The following ALMS1 variants were observed in gnomAD, a reference collection of about 807,000 sequenced individuals.
The protein encoded by ALMS1 is ALMS1 centrosome and basal body associated protein.
In ALMS1, 271 loss-of-function variants were observed where a neutral mutation model predicts 352.2. That is an observed-to-expected ratio of 0.77 (90% CI 0.70 to 0.85). The LOEUF (loss-of-function observed/expected upper bound fraction) is 0.85. Ranked by LOEUF, ALMS1 falls within the 40% of genes least tolerant of loss-of-function variation. The probability of loss-of-function intolerance (pLI) is 0.00; values close to 1 mark genes in which losing one functional copy is unlikely to be tolerated. For missense variants in ALMS1, 5,445 were observed against 4,870.7 expected (o/e 1.12, Z -3.51); for synonymous variants, 1,865 against 1,761.2 (o/e 1.06, Z -1.48).
At chr2:73,557,112 A>G in intron 13 of ALMS1, 108 bp from the exon 14 acceptor site, 1 of 1,483,586 alleles carries the variant, frequency 6.7e-7, no homozygotes. Flanking sequence ...CTTTTTTCCT[A>G]ATATGTAAAT....
At chr2:73,539,256 T>C (rs1466318164) in intron 12 of ALMS1, among the ~76,000 whole-genome samples, 1 of 152,222 alleles carries the variant, frequency 6.6e-6, no homozygotes, top group Admixed American at 6.5e-5. Context: ...CCTCTGCTGC[T>C]GATACCCAGG....
At chr2:73,592,778 T>C (rs1338574481) in intron 16 of ALMS1, among the ~76,000 whole-genome samples, 5 of 152,230 alleles carry the variant, frequency 3.3e-5, no homozygotes, top group African/African-American at 9.6e-5. Context: ...GTCTGTCTCA[T>C]GTCTTTAATA....
At chr2:73,497,384 G>A (rs960839960) in intron 10 of ALMS1, among the ~76,000 whole-genome samples, 1 of 151,802 alleles carries the variant, frequency 6.6e-6, no homozygotes, top group Non-Finnish European at 1.5e-5. Flanking sequence ...TGAGATTTTA[G>A]TGCACCCATC....
At chr2:73,518,326 A>G (rs368831549) in intron 10 of ALMS1, among the ~76,000 whole-genome samples, 7 of 152,158 alleles carry the variant, frequency 4.6e-5, no homozygotes, top group African/African-American at 1.2e-4. Context: ...ATAGTATTCT[A>G]TGGTGTAAGT....
intron 12 of ALMS1, among the ~76,000 whole-genome samples, chr2:73,536,704 A>C (rs1447438358): frequency 9.2e-5 from 14 of 152,204 alleles, no homozygotes; most frequent in Admixed American, 9.2e-4. Context: ...ATTTGGGCCA[A>C]ATAACTGTTC....
chr2:73,399,829 T>C (rs1479811906), intron 1 of ALMS1, among the ~76,000 whole-genome samples: 19 of 152,138 alleles, frequency 1.2e-4, no homozygotes, highest in Admixed American at 1.2e-3. Context: ...CTATTCCTAT[T>C]TTAATGAGAA....
intron 5 of ALMS1, 132 bp downstream of exon 5, chr2:73,425,034 G>C (rs1671353973): frequency 1.5e-6 from 1 of 677,046 alleles, no homozygotes; most frequent in African/African-American, 1.8e-5. Flanking sequence ...GCACCACCCA[G>C]AAACGTGTGT....
Position 73,490,942 on chromosome 2 carries a change from G to A in ALMS1, c.8983G>A (p.Val2995Met), listed in dbSNP as rs1553409810. ...FPLPQGQDCV[V>M]EKNNQHKPKS... ...CCTTCCTCAAGGTCAGGATTGTGTAGTGGAAAAGAATAATCAACATAAGCC... is the reference window on the plus strand; with the variant it reads ...CCTTCCTCAAGGTCAGGATTGTGTAATGGAAAAGAATAATCAACATAAGCC... The change falls in exon 10 of 23, where the codon GTG (valine) becomes ATG (methionine). Residue 2995 changes from valine (V) to methionine (M), a missense_variant. Physicochemically the swap from Val to Met is conservative, Grantham distance 21. Coordinates refer to ENST00000613296, the MANE Select transcript of ALMS1 (RefSeq NM_001378454.1). 3 of 1,614,184 alleles carry A rather than the reference G, an allele frequency of 1.9e-6. No homozygotes were observed. Among genetic ancestry groups the A allele is most frequent in the Non-Finnish European group, 2.5e-6 (3 of 1,180,026 alleles).
At chr2:73,469,037 G>A (rs188478673) in intron 9 of ALMS1, among the ~76,000 whole-genome samples, 5 of 151,826 alleles carry the variant, frequency 3.3e-5, no homozygotes, top group Admixed American at 2.6e-4. Flanking sequence ...CTATGAGAAC[G>A]AGATCCACAC....
intron 9 of ALMS1, among the ~76,000 whole-genome samples, chr2:73,487,867 G>T (rs1041657682): frequency 6.6e-6 from 1 of 152,040 alleles, no homozygotes; most frequent in Non-Finnish European, 1.5e-5. Flanking sequence ...CTGCATGCAG[G>T]TCATCCCATA....
intron 9 of ALMS1, among the ~76,000 whole-genome samples, chr2:73,487,678 A>C (rs191301612): frequency 6.6e-6 from 1 of 152,190 alleles, no homozygotes; most frequent in South Asian, 2.1e-4. Context: ...CTTGTCCTGC[A>C]TCCATGAAGA....
chr2:73,507,325 A>G (rs953152958), intron 10 of ALMS1, among the ~76,000 whole-genome samples: 65 of 151,876 alleles, frequency 4.3e-4, no homozygotes, highest in South Asian at 8.3e-4. Flanking sequence ...CTCTTTTTCT[A>G]TTGTTTGGAA....
Position 73,449,789 on chromosome 2 carries a change from G to A in ALMS1, c.3262G>A (p.Asp1088Asn). ...CCCTGGACCAGCTGACCAGATGACTGACACACCAGCAGTACCGTCTACTTT... is the reference window on the plus strand; with the variant it reads ...CCCTGGACCAGCTGACCAGATGACTAACACACCAGCAGTACCGTCTACTTT... The part of the protein sequence containing the change: ...AFPGPADQMT[D>N]TPAVPSTFYS... The change falls in exon 8 of 23, where the codon GAC becomes AAC. Residue 1088 changes from aspartate to asparagine, a missense_variant. By Grantham distance (23) the Asp-to-Asn change is conservative. Transcript: ENST00000613296. The A allele has an allele frequency of 6.2e-7, 1 of 1,614,094 alleles. No homozygotes were observed. Among genetic ancestry groups the A allele is most frequent in the Non-Finnish European group, 8.5e-7 (1 of 1,179,982 alleles).
chr2:73,577,037 T>G (rs562947444), intron 16 of ALMS1, among the ~76,000 whole-genome samples: 5 of 152,326 alleles, frequency 3.3e-5, no homozygotes, highest in African/African-American at 1.2e-4. Context: ...GTTCATATGC[T>G]GCTGGATTCA....
At chr2:73,466,245 GA>G in intron 9 of ALMS1, among the ~76,000 whole-genome samples, 1 of 152,136 alleles carries the variant, frequency 6.6e-6, no homozygotes, top group East Asian at 1.9e-4. Flanking sequence ...AAATGTCCAA[GA>G]ATGATAGACT....
chr2:73,604,656 G>A (rs1442761078), intron 21 of ALMS1, among the ~76,000 whole-genome samples: 1 of 152,172 alleles, frequency 6.6e-6, no homozygotes, highest in African/African-American at 2.4e-5. Context: ...CCAAAGGGAT[G>A]CTTTGGATGC....
At chr2:73,566,621 A>G (rs1350618391) in intron 15 of ALMS1, among the ~76,000 whole-genome samples, 1 of 152,256 alleles carries the variant, frequency 6.6e-6, no homozygotes. Flanking sequence ...AAGGGGGACT[A>G]CTGTATTCAC....
chr2:73,513,868 A>G (rs146552944), intron 10 of ALMS1, among the ~76,000 whole-genome samples: 2 of 152,122 alleles, frequency 1.3e-5, no homozygotes, highest in African/African-American at 2.4e-5. Context: ...TTACATGGGC[A>G]CCTTCCTTAC....
chr2:73,467,003 A>T (rs958668779), intron 9 of ALMS1, among the ~76,000 whole-genome samples: 3 of 152,130 alleles, frequency 2.0e-5, no homozygotes. Context: ...CTTACTACAA[A>T]ATTAATTTGA....
Sources: gnomAD v4.1 joint callset for allele counts (sites outside exome capture counted in the v4.1 genomes callset) on GRCh38, gnomAD v4.1.1 for gene constraint, MANE v1.5 for transcripts, NCBI Gene and HGNC (gene_info 2026-07-23, HGNC 2026-07-21) for gene names.